LEPROTL1: variants seen among roughly 807,000 people sequenced by gnomAD.
The protein encoded by LEPROTL1 is leptin receptor overlapping transcript-like 1.
A neutral mutation model predicts 15.4 loss-of-function variants in LEPROTL1; 6 were observed. The observed-to-expected ratio is 0.39, with a 90% CI of 0.21 to 0.77. The LOEUF is 0.77. Among genes scored for constraint, LEPROTL1 ranks in the 30% least tolerant of loss-of-function variants. The probability of loss-of-function intolerance (pLI) is 0.41; values close to 1 mark genes in which losing one functional copy is unlikely to be tolerated. For synonymous variants in LEPROTL1, 56 were observed against 52.6 expected, an observed-to-expected ratio of 1.06 and a Z score of -0.28; for missense variants, 128 against 158.1, an observed-to-expected ratio of 0.81 and a Z score of 1.02.
intron 3 of LEPROTL1, among the ~76,000 whole-genome samples, chr8:30,121,193 A>G (rs558228335): frequency 1.4e-4 from 21 of 151,904 alleles, no homozygotes; most frequent in South Asian, 8.3e-4. Context: ...TTTCATCTAC[A>G]TATTGTGTTT....
chr8:30,122,974 C>T lies in LEPROTL1; in HGVS notation c.280-9401C>T, dbSNP rs149876312. Among the ~76,000 whole-genome samples, 50 of 152,298 alleles carry T rather than the reference C, an allele frequency of 3.3e-4. 1 individual carries two copies. Among genetic ancestry groups the T allele is most frequent in the African/African-American group, 1.1e-3 (46 of 41,550 alleles). On this transcript the variant is annotated intron_variant, in intron 3 of 4. Transcript: ENST00000442880. ...AATCTGTAATTTGGTCCTGTCTTAA[C>T]AGTACGTGTTTGTCTGCTCCACATG...
intron 1 of LEPROTL1, chr8:30,095,762 T>G: frequency 1.4e-6 from 1 of 696,696 alleles, no homozygotes; most frequent in East Asian, 2.7e-5. Flanking sequence ...TTTCTGCCGA[T>G]TTCGGCAGCC....
chr8:30,129,383 G>GT (rs1802957423), intron 3 of LEPROTL1, among the ~76,000 whole-genome samples: 1 of 152,124 alleles, frequency 6.6e-6, no homozygotes, highest in African/African-American at 2.4e-5. Context: ...GATTAAAAGT[G>GT]TATTAGTCTG....
At chr8:30,137,588 C>A in exon 5 of LEPROTL1, 2 of 1,006,840 alleles carry the variant, frequency 2.0e-6, no homozygotes, top group Non-Finnish European at 2.9e-6. Flanking sequence ...TATATTCATT[C>A]TAATGAAACT....
intron 1 of LEPROTL1, among the ~76,000 whole-genome samples, chr8:30,097,964 C>T (rs1475296448): frequency 6.7e-6 from 1 of 149,160 alleles, no homozygotes; most frequent in East Asian, 2.0e-4. Context: ...TTTAGGCCTT[C>T]TTTTTTGATA....
intron 1 of LEPROTL1, among the ~76,000 whole-genome samples, chr8:30,098,587 A>T (rs1317750796): frequency 6.6e-6 from 1 of 152,240 alleles, no homozygotes; most frequent in African/African-American, 2.4e-5. Context: ...TAGCTGTCTT[A>T]ACAGTACCTT....
chr8:30,132,570 A>C, intron 4 of LEPROTL1: 1 of 1,551,742 alleles, frequency 6.4e-7, no homozygotes, highest in Non-Finnish European at 8.7e-7. Context: ...CCGCTCCTGC[A>C]TCCACCACCC....
intron 3 of LEPROTL1, among the ~76,000 whole-genome samples, chr8:30,119,249 A>C (rs533640852): frequency 6.6e-6 from 1 of 152,322 alleles, no homozygotes; most frequent in East Asian, 1.9e-4. Flanking sequence ...TTGTGAGCTC[A>C]AGGTTGGGGC....
At chr8:30,132,620 G>C (rs530929110) in intron 4 of LEPROTL1, 10 of 1,551,744 alleles carry the variant, frequency 6.4e-6, no homozygotes, top group South Asian at 1.2e-5. Flanking sequence ...CCAAGAATCT[G>C]CAGACCCCTC....
Position 30,118,664 on chromosome 8 carries a change from G to A in LEPROTL1, c.280-13711G>A, listed in dbSNP as rs191245315. ...AGGAGACTGGCGCTCAGCATATGGA[G>A]GACCTGCACCGGCACCGGTTTCTGA... On this transcript the variant is annotated intron_variant, in intron 3 of 4. Coordinates refer to the LEPROTL1 transcript ENST00000442880. Among the ~76,000 whole-genome samples the A allele has an allele frequency of 3.9e-5, 6 of 152,266 alleles. No individual in the cohort carries two copies. The East Asian group carries it at 7.7e-4, about 20-fold the overall frequency.
intron 3 of LEPROTL1, among the ~76,000 whole-genome samples, chr8:30,128,601 A>G (rs1225959052): frequency 2.6e-5 from 4 of 152,070 alleles, no homozygotes; most frequent in Admixed American, 2.6e-4. Context: ...AAATAAAAAA[A>G]ATTAGCCGGA....
At chr8:30,137,639 A>T in exon 5 of LEPROTL1, 2 of 672,180 alleles carry the variant, frequency 3.0e-6, no homozygotes, top group South Asian at 1.9e-5. Context: ...AAGAAGTCTG[A>T]CCTAACCAAC....
chr8:30,106,105 G>T lies in LEPROTL1; in HGVS notation c.*243G>T, dbSNP rs964568714. 5.8e-5 allele frequency: 60 copies of T among 1,038,478 alleles called. No individual in the cohort carries two copies. Among genetic ancestry groups the T allele is most frequent in the Non-Finnish European group, 6.5e-5 (56 of 864,154 alleles). The allele number at this position is 1,038,478 out of a possible 1,614,324, so 64.3% of individuals were successfully genotyped here. A position where few individuals can be genotyped will look rare whatever the true frequency, so the allele number is the denominator to read the frequency against. On this transcript the variant is annotated 3_prime_UTR_variant, in exon 4 of 4. Transcript: ENST00000321250. ...CACTTATCTATAGTATGCTTTTTGT[G>T]GTGTCCTGCTGAATTTAAATATTTA... is the stretch of plus-strand genomic sequence containing the variant.
rs149926670 is a variant in LEPROTL1, at chr8:30,129,603, G to A, written c.280-2772G>A. Among the ~76,000 whole-genome samples the A allele has an allele frequency of 2.4e-4, 36 of 151,992 alleles. No individual in the cohort carries two copies. In the East Asian group the frequency reaches 6.6e-3, roughly 28 times the overall value. On this transcript the variant is annotated intron_variant, in intron 3 of 4. Transcript: ENST00000442880. ...GCCCGTAGTCCCAGCTACTTGGAAG[G>A]GTGAGGCAGGAGAATCGCTTGAACC...
At position 30,100,016 on chromosome 8, in the gene LEPROTL1, A is replaced by G. The variant is rs139618314; in HGVS notation, c.17-1882A>G. On this transcript the variant is annotated intron_variant, in intron 1 of 3. Transcript: ENST00000321250. ...ATTCAGTGTTTTCCTTACAGTTTAT[A>G]TTGCATTCCCCTGTAAACTTGAAGT... Among the ~76,000 whole-genome samples the G allele has an allele frequency of 1.3e-3, 200 of 152,322 alleles. 2 individuals carry two copies. Among genetic ancestry groups the G allele is most frequent in the African/African-American group, 4.6e-3 (191 of 41,568 alleles).
downstream of LEPROTL1, among the ~76,000 whole-genome samples, chr8:30,111,556 T>C (rs556348798): frequency 1.8e-4 from 28 of 152,354 alleles, no homozygotes; most frequent in African/African-American, 6.3e-4. Context: ...TCTAGAAAAC[T>C]TCCTTGTTCC....
chr8:30,117,131 C>T (rs141015139), intron 3 of LEPROTL1, among the ~76,000 whole-genome samples: 61 of 151,938 alleles, frequency 4.0e-4, no homozygotes, highest in African/African-American at 1.4e-3. Flanking sequence ...TATTGTAATC[C>T]TAGGGAATTA....
rs551690338 is a variant in LEPROTL1, at chr8:30,130,940, C to T, written c.280-1435C>T. Among the ~76,000 whole-genome samples, 432 of 151,750 alleles carry T rather than the reference C, an allele frequency of 2.8e-3. 1 individual carries two copies. The highest frequency in any genetic ancestry group is 4.9e-3 in the Admixed American group (75 of 15,216). On this transcript the variant is annotated intron_variant, in intron 3 of 4. Transcript: ENST00000442880. ...GACTATAGGCGCCCACCACCACGCC[C>T]GGCTAATTTTTGTATTTTTAGAAGA...
intron 3 of LEPROTL1, among the ~76,000 whole-genome samples, chr8:30,125,290 G>A (rs1181146360): frequency 6.6e-6 from 1 of 152,098 alleles, no homozygotes; most frequent in Non-Finnish European, 1.5e-5. Context: ...GCCAAATAAA[G>A]GCTAAGAAAT....
Sources: allele counts gnomAD v4.1 joint callset (sites outside exome capture counted in the v4.1 genomes callset), GRCh38; gene constraint gnomAD v4.1.1; transcripts MANE v1.5; gene names NCBI Gene and HGNC (gene_info 2026-07-23, HGNC 2026-07-21).